Variants in CEMIP2 observed in about 807,000 individuals in gnomAD.
CEMIP2 encodes cell migration inducing hyaluronidase 2.
In CEMIP2, 79 loss-of-function variants were observed where a neutral mutation model predicts 146.9. The ratio of observed to expected loss-of-function variants is 0.54; its 90% CI spans 0.45 to 0.65. CEMIP2 has a LOEUF of 0.65. Ranked by LOEUF, CEMIP2 falls within the 30% of genes least tolerant of loss-of-function variation. CEMIP2 has a pLI of 0.00. For synonymous variants in CEMIP2, 601 were observed against 606.3 expected (o/e 0.99, Z 0.13); for missense variants, 1,596 against 1,696.2 (o/e 0.94, Z 1.04).
rs866841597 is a variant in CEMIP2, at chr9:71,745,082, G to T, written c.970C>A (p.Gln324Lys). ...TCCTGGATCATCTGGATGGTTCCTT[G>T]TAAGAGACTTTTAGCGGCTGAATCC... ...VGDSAAKSLL[Q>K]GTIQMIQERL... The change falls in exon 4 of 24, where the codon CAA (glutamine) becomes AAA (lysine). Residue 324 changes from glutamine to lysine, a missense_variant. Gln to Lys is a moderately conservative substitution (Grantham distance 53). Coordinates refer to ENST00000377044, the MANE Select transcript of CEMIP2 (RefSeq NM_013390.3). 10 of 1,614,134 alleles carry T rather than the reference G, an allele frequency of 6.2e-6. No individual in the cohort carries two copies. Among genetic ancestry groups the T allele is most frequent in the Non-Finnish European group, 7.6e-6 (9 of 1,180,006 alleles).
intron 4 of CEMIP2, among the ~76,000 whole-genome samples, chr9:71,740,923 C>T (rs1020297790): frequency 2.0e-5 from 3 of 152,186 alleles, no homozygotes. Context: ...GCCCCACTCT[C>T]TCAGTTTCTG....
At position 71,715,070 on chromosome 9, in the gene CEMIP2, C is replaced by A; in HGVS notation, c.2455G>T (p.Asp819Tyr). 1.2e-6 allele frequency: 2 copies of A among 1,613,856 alleles called. No homozygotes were observed. Among genetic ancestry groups the A allele is most frequent in the Non-Finnish European group, 1.7e-6 (2 of 1,179,904 alleles). ...TFASDGSFPS[D>Y]EGSSQEVSES... The stretch of plus-strand genomic sequence containing the variant: ...GATACCTCTTGGCTGGAACCTTCAT[C>A]ACTTGGGAAGCTTCCATCACTGTTA... The change falls in exon 15 of 24, where the codon GAT (aspartate) becomes TAT (tyrosine). Residue 819 changes from aspartate (D) to tyrosine (Y), a missense_variant. Coordinates refer to ENST00000377044, the MANE Select transcript of CEMIP2 (RefSeq NM_013390.3).
At chr9:71,769,306 C>T (rs1040893091), upstream of CEMIP2, among the ~76,000 whole-genome samples, 3 of 152,208 alleles carry the variant, frequency 2.0e-5, no homozygotes, top group Non-Finnish European at 4.4e-5. Flanking sequence ...GACTTTGAGC[C>T]CCATCACCCG....
chr9:71,762,870 G>A (rs1300312537), intron 1 of CEMIP2, among the ~76,000 whole-genome samples: 1 of 151,898 alleles, frequency 6.6e-6, no homozygotes, highest in African/African-American at 2.4e-5. Flanking sequence ...AGATTAGCTG[G>A]GCATGGTGGT....
intron 10 of CEMIP2, among the ~76,000 whole-genome samples, chr9:71,728,248 T>C (rs1279001074): frequency 3.2e-4 from 15 of 46,170 alleles, no homozygotes; most frequent in East Asian, 7.0e-4. Flanking sequence ...TATATATATA[T>C]ATGTATATAC....
At chr9:71,742,295 A>G (rs2131998832) in intron 4 of CEMIP2, among the ~76,000 whole-genome samples, 1 of 152,346 alleles carries the variant, frequency 6.6e-6, no homozygotes, top group African/African-American at 2.4e-5. Context: ...AGAATGTCTC[A>G]ATATATTATC....
chr9:71,688,990 CCTTT>C (rs1333161538), intron 22 of CEMIP2, among the ~76,000 whole-genome samples: 4 of 152,110 alleles, frequency 2.6e-5, no homozygotes, highest in African/African-American at 9.7e-5. Context: ...ATCTTAAAAG[CCTTT>C]CTGTTAATGA....
chr9:71,685,721 A>T (rs567342170), intron 23 of CEMIP2, 22 bp downstream of exon 23: 2 of 1,593,798 alleles, frequency 1.3e-6, no homozygotes, highest in Middle Eastern at 1.7e-4. Flanking sequence ...TAAGAACTTC[A>T]TGAAATAATA....
chr9:71,724,147 T>C (rs1823318036), intron 11 of CEMIP2, among the ~76,000 whole-genome samples: 1 of 151,818 alleles, frequency 6.6e-6, no homozygotes, highest in Non-Finnish European at 1.5e-5. Context: ...ATACAAAAAT[T>C]AGCTGGGCAT....
At chr9:71,734,495 A>T (rs1278484320) in intron 6 of CEMIP2, among the ~76,000 whole-genome samples, 1 of 152,234 alleles carries the variant, frequency 6.6e-6, no homozygotes, top group African/African-American at 2.4e-5. Context: ...CATCCTGCAC[A>T]TGTAACCCAG....
rs1564012709 is a variant in CEMIP2 at position 71,728,301 on chromosome 9, A to AG, written c.2049+1543_2049+1544insC. On this transcript the variant is annotated intron_variant, in intron 10 of 23. Transcript: ENST00000377044. ...TATATGTATATATATATATATATATACATATATATATATATACGTATATAT... is the reference window on the plus strand; with the variant it reads ...TATATGTATATATATATATATATATAGCATATATATATATATACGTATATAT... Among the ~76,000 whole-genome samples, 13 of 34,448 alleles carry AG rather than the reference A, an allele frequency of 3.8e-4. 1 individual carries two copies. The highest frequency in any genetic ancestry group is 1.5e-3 in the African/African-American group (13 of 8,942). 22.6% of individuals were successfully genotyped at this position (34,448 alleles called of 152,430 possible).
rs758196332 is a variant in CEMIP2, at chr9:71,690,120, C to G, written c.3823G>C (p.Glu1275Gln). Residue 1275 changes from glutamate (E) to glutamine (Q), a missense_variant, in exon 22 of 24, where the codon GAG becomes CAG. Coordinates refer to ENST00000377044, the MANE Select transcript of CEMIP2 (RefSeq NM_013390.3). ...GGAGGGATGCCTGTTTTTAAATACT[C>G]TTCAATGCGACTGACATCAGCAAGA... The part of the protein sequence containing the change: ...FPLADVSRIE[E>Q]YLKTGIPPRS... 1 of 1,614,142 alleles carries G rather than the reference C, an allele frequency of 6.2e-7. No homozygotes were observed. The highest frequency in any genetic ancestry group is 1.7e-5 in the Admixed American group (1 of 60,026).
Position 71,745,533 on chromosome 9 carries a change from A to G in CEMIP2, c.519T>C (p.Thr173=). 6.2e-7 allele frequency: 1 copy of G among 1,612,972 alleles called. No individual in the cohort carries two copies. The change falls in exon 4 of 24, where the codon ACT becomes ACC. Residue 173 remains threonine, a synonymous_variant. Coordinates refer to ENST00000377044, the MANE Select transcript of CEMIP2 (RefSeq NM_013390.3). ...GDNKDGSRNI[T]LRTHYILIQD... ...GGATCAGGATGTAATGAGTCCTCAA[A>G]GTAATATTTCTGGATCCATCTTTAT... is the stretch of plus-strand genomic sequence containing the variant.
chr9:71,703,359 G>A (rs957643280), intron 18 of CEMIP2, among the ~76,000 whole-genome samples: 2 of 152,182 alleles, frequency 1.3e-5, no homozygotes, highest in East Asian at 3.9e-4. Flanking sequence ...AGGATTACAG[G>A]AAAACAGTAA....
In CEMIP2 at chr9:71,706,840, A is replaced by T. The variant is rs138277187; in HGVS notation, c.2986-2037T>A. 4.6e-3 allele frequency among the ~76,000 whole-genome samples: 703 copies of T among 151,870 alleles called. 3 individuals carry two copies. Among genetic ancestry groups the T allele is most frequent in the Non-Finnish European group, 7.1e-3 (482 of 67,938 alleles). ...TATTTATTTATTTATTATTATTATT[A>T]TTTTTGAGACAGAGTTTCGCTCTTG... On this transcript the variant is annotated intron_variant, in intron 17 of 23. Coordinates refer to ENST00000377044, the MANE Select transcript of CEMIP2 (RefSeq NM_013390.3).
chr9:71,742,488 T>C (rs1823951041), intron 4 of CEMIP2, among the ~76,000 whole-genome samples: 1 of 152,190 alleles, frequency 6.6e-6, no homozygotes, highest in Non-Finnish European at 1.5e-5. Flanking sequence ...TTCAAAGGCC[T>C]ATGTGTTTAT....
In CEMIP2 at chr9:71,732,445, CG is replaced by C. The variant is rs1823646595; in HGVS notation, c.1468del (p.Arg490GlyfsTer4). On this transcript the variant is annotated frameshift_variant, in exon 7 of 24. Coordinates refer to ENST00000377044, the MANE Select transcript of CEMIP2 (RefSeq NM_013390.3). LOFTEE classifies it high-confidence loss of function. The stretch of plus-strand genomic sequence containing the variant: ...CACTTCTCCTTGGATCACAATATTC[CG>C]GGTAAGAATTCCAACCTCAGCTCTC... The part of the protein sequence containing the change: ...DMRAEVGILT[R>X]NIVIQGEVED... The C allele has an allele frequency of 6.2e-7, 1 of 1,613,802 alleles. No individual in the cohort carries two copies. The highest frequency in any genetic ancestry group is 8.5e-7 in the Non-Finnish European group (1 of 1,179,978).
chr9:71,710,770 C>T (rs906449702), intron 16 of CEMIP2, among the ~76,000 whole-genome samples: 3 of 152,144 alleles, frequency 2.0e-5, no homozygotes, highest in African/African-American at 7.2e-5. Context: ...CAAGACTCAT[C>T]CTGCTGATTT....
chr9:71,722,475 G>C lies in CEMIP2; in HGVS notation c.2219C>G (p.Ser740Cys). The C allele has an allele frequency of 1.9e-6, 3 of 1,613,844 alleles. No individual in the cohort carries two copies. The South Asian group carries it at 3.3e-5, about 18-fold the overall frequency. The stretch of plus-strand genomic sequence containing the variant: ...GTATTCCCTTGGGTCAGCAGCACTA[G>C]AGTTGGTTGTTTTGACACCTTTGTC... ...FIDKGVKTTN[S>C]SAADPREYLC... Residue 740 changes from serine to cysteine, a missense_variant, in exon 12 of 24, where the codon TCT becomes TGT. By Grantham distance (112) the Ser-to-Cys change is moderately radical. Transcript: ENST00000377044.
Sources: gnomAD v4.1 joint callset for allele counts (sites outside exome capture counted in the v4.1 genomes callset) on GRCh38, gnomAD v4.1.1 for gene constraint, MANE v1.5 for transcripts, NCBI Gene and HGNC (gene_info 2026-07-23, HGNC 2026-07-21) for gene names.